CNTLN: variants seen among roughly 807,000 people sequenced by gnomAD.
The protein encoded by CNTLN is centlein, also known as centlein, centrosomal protein.
CNTLN carries 212 observed loss-of-function variants against 180.0 expected under a neutral mutation model. That is an observed-to-expected ratio of 1.18 (90% CI 1.05 to 1.32). The LOEUF (loss-of-function observed/expected upper bound fraction) is 1.32. Ranked by LOEUF, CNTLN falls within the 40% of genes most tolerant of loss-of-function variation. The probability of loss-of-function intolerance (pLI) is 0.00; values close to 1 mark genes in which losing one functional copy is unlikely to be tolerated. For synonymous variants in CNTLN, 722 were observed against 563.1 expected, an observed-to-expected ratio of 1.28 and a Z score of -3.99; for missense variants, 2,095 against 1,610.9, an observed-to-expected ratio of 1.30 and a Z score of -5.14.
At chr9:17,285,306 C>T (rs1204387069) in intron 6 of CNTLN, among the ~76,000 whole-genome samples, 1 of 150,600 alleles carries the variant, frequency 6.6e-6, no homozygotes, top group African/African-American at 2.4e-5. Context: ...TTTCCAATTT[C>T]ATCCATGTCC....
intron 18 of CNTLN, among the ~76,000 whole-genome samples, chr9:17,444,998 A>T (rs1217586421): frequency 1.3e-5 from 2 of 152,016 alleles, no homozygotes; most frequent in African/African-American, 4.8e-5. Flanking sequence ...TTTTTTTGGT[A>T]ATTTTTACAT....
At chr9:17,246,978 T>C (rs989941829) in intron 5 of CNTLN, among the ~76,000 whole-genome samples, 8 of 152,124 alleles carry the variant, frequency 5.3e-5, no homozygotes, top group Non-Finnish European at 1.0e-4. Context: ...TGGTGCCTTA[T>C]TGTAATTTGG....
At chr9:17,254,495 G>A (rs746334129) in intron 5 of CNTLN, among the ~76,000 whole-genome samples, 3 of 150,738 alleles carry the variant, frequency 2.0e-5, no homozygotes, top group Non-Finnish European at 4.4e-5. Context: ...TGGTGTAAGG[G>A]TCCAAATTCA....
At chr9:17,360,083 A>T (rs1297722903) in intron 12 of CNTLN, among the ~76,000 whole-genome samples, 1 of 152,132 alleles carries the variant, frequency 6.6e-6, no homozygotes, top group African/African-American at 2.4e-5. Context: ...CAATATAGAT[A>T]TCCATCTAAG....
the CNTLN span, among the ~76,000 whole-genome samples, chr9:17,524,923 T>C: frequency 2.0e-5 from 3 of 152,220 alleles, no homozygotes; most frequent in Non-Finnish European, 4.4e-5. Context: ...TGCTAGGAGC[T>C]AGCCTTGGTA....
intron 18 of CNTLN, among the ~76,000 whole-genome samples, chr9:17,456,343 T>C (rs946015098): frequency 6.6e-6 from 1 of 152,150 alleles, no homozygotes; most frequent in Non-Finnish European, 1.5e-5. Context: ...ACCATACTTT[T>C]AGATTATAAA....
At chr9:17,367,846 AC>A (rs1487197579) in intron 13 of CNTLN, among the ~76,000 whole-genome samples, 1 of 148,454 alleles carries the variant, frequency 6.7e-6, no homozygotes, top group Non-Finnish European at 1.5e-5. Context: ...CAGCAGCAAT[AC>A]CCAGATGGTA....
intron 18 of CNTLN, among the ~76,000 whole-genome samples, chr9:17,443,514 A>G (rs1422978955): frequency 6.6e-6 from 1 of 152,214 alleles, no homozygotes; most frequent in Non-Finnish European, 1.5e-5. Flanking sequence ...ATATGTGTAT[A>G]TATTCTAAAA....
At chr9:17,496,457 G>A (rs1333337125) in intron 25 of CNTLN, among the ~76,000 whole-genome samples, 3 of 152,068 alleles carry the variant, frequency 2.0e-5, no homozygotes, top group Non-Finnish European at 4.4e-5. Context: ...TTTTTATAAG[G>A]CTACTAATCC....
Position 17,235,820 on chromosome 9 carries a change from G to A in CNTLN, c.669+28G>A, listed in dbSNP as rs550576537. ...GTGTTGACTTGTACATAGTTTTGTG[G>A]GACTGTTGCTTTGAAGTTCTGCTTT... On this transcript the variant is annotated intron_variant, in intron 4 of 25. Transcript: ENST00000380647. The A allele has an allele frequency of 5.0e-5, 79 of 1,567,142 alleles. No homozygotes were observed. In the Middle Eastern group the frequency reaches 1.5e-3, roughly 31 times the overall value.
intron 18 of CNTLN, among the ~76,000 whole-genome samples, chr9:17,419,424 T>C (rs1828524865): frequency 6.6e-6 from 1 of 152,156 alleles, no homozygotes; most frequent in African/African-American, 2.4e-5. Context: ...GGTGTAAAGA[T>C]ACGAGTAAAA....
chr9:17,352,591 T>TAG (rs1333633069), intron 12 of CNTLN, among the ~76,000 whole-genome samples: 4 of 152,100 alleles, frequency 2.6e-5, no homozygotes, highest in Non-Finnish European at 5.9e-5. Context: ...TTTTAAAGCA[T>TAG]AGAATTCAGT....
At chr9:17,491,610 A>G (rs1833166263) in intron 25 of CNTLN, among the ~76,000 whole-genome samples, 1 of 151,936 alleles carries the variant, frequency 6.6e-6, no homozygotes, top group Admixed American at 6.6e-5. Context: ...CATTTTGTCC[A>G]TTTTAGTCCA....
At chr9:17,291,081 C>G (rs1014345712) in intron 6 of CNTLN, among the ~76,000 whole-genome samples, 1 of 152,152 alleles carries the variant, frequency 6.6e-6, no homozygotes, top group Non-Finnish European at 1.5e-5. Context: ...CATTCAGGAG[C>G]AGGTTGTTCA....
chr9:17,382,679 G>C (rs948823942), intron 13 of CNTLN, among the ~76,000 whole-genome samples: 1 of 152,034 alleles, frequency 6.6e-6, no homozygotes, highest in Non-Finnish European at 1.5e-5. Flanking sequence ...AATAAAGGAA[G>C]GTCAGACTGC....
At chr9:17,290,081 C>T (rs1388331947) in intron 6 of CNTLN, among the ~76,000 whole-genome samples, 8 of 152,278 alleles carry the variant, frequency 5.3e-5, no homozygotes, top group South Asian at 4.2e-4. Context: ...GGAGGAGAGG[C>T]GCTCTGCATT....
intron 23 of CNTLN, among the ~76,000 whole-genome samples, chr9:17,482,991 G>A (rs2442004): frequency 0.95 from 144,733 of 152,204 alleles, 68,945 homozygotes; most frequent in Middle Eastern, 0.99. Context: ...AAAGTATCCC[G>A]CTAAATTCAA....
chr9:17,203,744 A>G (rs1156350057), intron 2 of CNTLN, among the ~76,000 whole-genome samples: 3 of 152,100 alleles, frequency 2.0e-5, no homozygotes, highest in Non-Finnish European at 4.4e-5. Context: ...TTTTTAGTAG[A>G]GACGGGGTTT....
At chr9:17,146,781 ATTAC>A (rs1818487084) in intron 2 of CNTLN, among the ~76,000 whole-genome samples, 1 of 152,146 alleles carries the variant, frequency 6.6e-6, no homozygotes, top group African/African-American at 2.4e-5. Flanking sequence ...AAATCAAATT[ATTAC>A]TTCTAAAAAT....
Sources: allele counts gnomAD v4.1 joint callset (sites outside exome capture counted in the v4.1 genomes callset), GRCh38; gene constraint gnomAD v4.1.1; transcripts MANE v1.5; gene names NCBI Gene and HGNC (gene_info 2026-07-23, HGNC 2026-07-21).